Variants in MXI1 observed in about 807,000 individuals in gnomAD.
MXI1 encodes MAX interactor 1, dimerization protein, also known as max-interacting protein 1.
A neutral mutation model predicts 36.9 loss-of-function variants in MXI1; 18 were observed. The observed-to-expected ratio is 0.49, with a 90% CI of 0.34 to 0.72. MXI1 has a LOEUF of 0.72. MXI1 is among the 30% of genes least tolerant of loss of function. The pLI is 0.01. For missense variants in MXI1, 304 were observed against 379.1 expected (o/e 0.80, Z 1.64); for synonymous variants, 160 against 146.7 (o/e 1.09, Z -0.65).
chr10:110,242,094 C>T (rs1014378795), intron 2 of MXI1, among the ~76,000 whole-genome samples: 2 of 151,892 alleles, frequency 1.3e-5, no homozygotes, highest in African/African-American at 4.8e-5. Flanking sequence ...CTTATCTTAT[C>T]CCTTCCACTT....
intron 3 of MXI1, among the ~76,000 whole-genome samples, chr10:110,252,429 G>C (rs961710428): frequency 6.6e-6 from 1 of 152,012 alleles, no homozygotes; most frequent in African/African-American, 2.4e-5. Flanking sequence ...TAAACACAGC[G>C]TGATCATTTC....
At chr10:110,262,345 C>T (rs1856546271) in intron 3 of MXI1, among the ~76,000 whole-genome samples, 2 of 151,990 alleles carry the variant, frequency 1.3e-5, no homozygotes, top group Admixed American at 6.6e-5. Context: ...AATATTACAC[C>T]ATTTTATATC....
chr10:110,234,575 C>A (rs976211113), intron 2 of MXI1, among the ~76,000 whole-genome samples: 5 of 152,198 alleles, frequency 3.3e-5, no homozygotes, highest in African/African-American at 1.2e-4. Flanking sequence ...TGGTACCACT[C>A]GTTTTTCCCC....
intron 2 of MXI1, among the ~76,000 whole-genome samples, chr10:110,234,939 T>C (rs1855404321): frequency 2.0e-5 from 3 of 152,216 alleles, no homozygotes; most frequent in African/African-American, 4.8e-5. Context: ...GTGAACTAGT[T>C]ATTTTAAATT....
At chr10:110,229,663 T>C (rs1855191796) in intron 2 of MXI1, among the ~76,000 whole-genome samples, 1 of 152,238 alleles carries the variant, frequency 6.6e-6, no homozygotes, top group Non-Finnish European at 1.5e-5. Context: ...CTTGATGTAC[T>C]ATCTGTGTTG....
chr10:110,271,057 A>G (rs1856835483), intron 3 of MXI1, among the ~76,000 whole-genome samples: 1 of 151,068 alleles, frequency 6.6e-6, no homozygotes, highest in East Asian at 1.9e-4. Flanking sequence ...GCGCCACTGC[A>G]CTCCAGCTTG....
At chr10:110,263,105 A>G (rs1365793998) in intron 3 of MXI1, among the ~76,000 whole-genome samples, 1 of 152,180 alleles carries the variant, frequency 6.6e-6, no homozygotes, top group Non-Finnish European at 1.5e-5. Flanking sequence ...GTGAATTAGT[A>G]AGGAACATTT....
In MXI1 at chr10:110,281,157, C is replaced by T. The variant is rs771255708; in HGVS notation, c.724+1072C>T. 2.0e-5 allele frequency among the ~76,000 whole-genome samples: 3 copies of T among 151,988 alleles called. 1 individual carries two copies. Among genetic ancestry groups the T allele is most frequent in the Non-Finnish European group, 4.4e-5 (3 of 67,960 alleles). The stretch of plus-strand genomic sequence containing the variant: ...AATAGAATAATGAACTCCTGTATAC[C>T]CACCATTCAGTTTGAATAGCTGTCA... On this transcript the variant is annotated intron_variant, in intron 5 of 5. Transcript: ENST00000332674.
chr10:110,263,281 G>A (rs1856578795), intron 3 of MXI1, among the ~76,000 whole-genome samples: 1 of 152,126 alleles, frequency 6.6e-6, no homozygotes, highest in African/African-American at 2.4e-5. Flanking sequence ...TTGCTACCCT[G>A]CAAATATATT....
At chr10:110,233,923 G>A (rs1461206327) in intron 2 of MXI1, among the ~76,000 whole-genome samples, 3 of 152,088 alleles carry the variant, frequency 2.0e-5, no homozygotes, top group African/African-American at 2.4e-5. Context: ...GTTCCTAGTC[G>A]ATGAAAGGCA....
intron 2 of MXI1, among the ~76,000 whole-genome samples, chr10:110,233,208 T>C (rs1360147086): frequency 6.6e-6 from 1 of 152,180 alleles, no homozygotes; most frequent in South Asian, 2.1e-4. Context: ...ACAACTTTTC[T>C]GTTGTTTATA....
At chr10:110,260,418 TGTGTGTGTG>T (rs1856468646) in intron 3 of MXI1, among the ~76,000 whole-genome samples, 1 of 6,694 alleles carries the variant, frequency 1.5e-4, no homozygotes, top group Non-Finnish European at 2.9e-4. Context: ...TTGATACAGG[TGTGTGTGTG>T]TGTGTGTGTG....
At chr10:110,261,857 CAAGAAT>C (rs1856524125) in intron 3 of MXI1, among the ~76,000 whole-genome samples, 1 of 151,916 alleles carries the variant, frequency 6.6e-6, no homozygotes, top group Non-Finnish European at 1.5e-5. Context: ...TAGGCATGAA[CAAGAAT>C]AACAAAAGTG....
At chr10:110,280,175 T>C in intron 5 of MXI1, 90 bp downstream of exon 5, 1 of 1,118,594 alleles carries the variant, frequency 8.9e-7, no homozygotes, top group Non-Finnish European at 1.2e-6. Flanking sequence ...GTATTTGCTT[T>C]CTTTCTAGCC....
intron 3 of MXI1, among the ~76,000 whole-genome samples, chr10:110,271,694 G>T (rs1454947976): frequency 1.3e-5 from 2 of 152,184 alleles, no homozygotes; most frequent in African/African-American, 4.8e-5. Context: ...GTAGGCAGAG[G>T]ACTAAATTAT....
In MXI1 at chr10:110,221,050, G is replaced by A. The variant is rs868785722; in HGVS notation, c.275-7139G>A. 2.0e-5 allele frequency among the ~76,000 whole-genome samples: 3 copies of A among 152,212 alleles called. No homozygotes were observed. The South Asian group carries it at 6.2e-4, about 31-fold the overall frequency. ...GGTGGTCTTTTAATTATAGTGGAAGGGTGAGGTTGGGCCCAAGGTTTGCGG... is the reference window on the plus strand; with the variant it reads ...GGTGGTCTTTTAATTATAGTGGAAGAGTGAGGTTGGGCCCAAGGTTTGCGG... On this transcript the variant is annotated intron_variant, in intron 1 of 5. Coordinates refer to ENST00000332674, the MANE Select transcript of MXI1 (RefSeq NM_130439.3).
intron 2 of MXI1, among the ~76,000 whole-genome samples, chr10:110,238,405 G>A (rs775342172): frequency 1.3e-5 from 2 of 152,144 alleles, no homozygotes; most frequent in African/African-American, 2.4e-5. Flanking sequence ...GGTTTTAGAA[G>A]CTCTGTCCCA....
intron 3 of MXI1, among the ~76,000 whole-genome samples, chr10:110,266,298 C>A (rs552175805): frequency 6.6e-6 from 1 of 151,952 alleles, no homozygotes; most frequent in Non-Finnish European, 1.5e-5. Flanking sequence ...TTAGTAGAGA[C>A]GGGGTTTCAC....
intron 3 of MXI1, among the ~76,000 whole-genome samples, chr10:110,259,132 T>C (rs1028683467): frequency 2.0e-5 from 3 of 152,128 alleles, no homozygotes; most frequent in Non-Finnish European, 2.9e-5. Flanking sequence ...ACATGGTATA[T>C]TATAGCGAAG....
Sources: gnomAD v4.1 joint callset for allele counts (sites outside exome capture counted in the v4.1 genomes callset) on GRCh38, gnomAD v4.1.1 for gene constraint, MANE v1.5 for transcripts, NCBI Gene and HGNC (gene_info 2026-07-23, HGNC 2026-07-21) for gene names.